Variants in FSIP1 observed in about 807,000 individuals in gnomAD.
FSIP1 encodes the protein fibrous sheath interacting protein 1, also known as fibrous sheath-interacting protein 1.
A neutral mutation model predicts 60.9 loss-of-function variants in FSIP1; 65 were observed. The observed-to-expected ratio is 1.07, with a 90% confidence interval of 0.87 to 1.31. The LOEUF (loss-of-function observed/expected upper bound fraction) is 1.31. FSIP1 is among the 40% of genes most tolerant of loss of function. The pLI, the probability that FSIP1 is intolerant of heterozygous loss-of-function variation, is 0.00. For synonymous variants in FSIP1, 209 were observed against 221.2 expected (o/e 0.94, Z 0.49); for missense variants, 675 against 665.5 (o/e 1.01, Z -0.16).
chr15:39,720,376 T>C (rs1172948368), intron 9 of FSIP1, among the ~76,000 whole-genome samples: 3 of 152,236 alleles, frequency 2.0e-5, no homozygotes, highest in Non-Finnish European at 2.9e-5. Flanking sequence ...ATTGAATCAA[T>C]ATTTCAAGAA....
chr15:39,668,110 G>A (rs896593989), intron 10 of FSIP1, among the ~76,000 whole-genome samples: 2 of 151,882 alleles, frequency 1.3e-5, no homozygotes, highest in Admixed American at 6.6e-5. Flanking sequence ...AAACCAAGAG[G>A]GTGGCAATGG....
intron 5 of FSIP1, among the ~76,000 whole-genome samples, chr15:39,744,353 T>C (rs1896912962): frequency 6.6e-6 from 1 of 152,190 alleles, no homozygotes; most frequent in Admixed American, 6.5e-5. Flanking sequence ...GTTTTTAATA[T>C]GAGTCCTGAA....
intron 9 of FSIP1, among the ~76,000 whole-genome samples, chr15:39,715,535 T>G (rs1400185833): frequency 6.6e-6 from 1 of 152,216 alleles, no homozygotes; most frequent in Non-Finnish European, 1.5e-5. Context: ...AGTAAAATTC[T>G]TATTGTATAC....
chr15:39,678,436 T>C (rs1004399939), intron 10 of FSIP1, among the ~76,000 whole-genome samples: 1 of 152,042 alleles, frequency 6.6e-6, no homozygotes, highest in Admixed American at 6.5e-5. Flanking sequence ...TCCACCAAAA[T>C]GAGCACATAC....
chr15:39,726,661 T>A lies in FSIP1; in HGVS notation c.978A>T (p.Lys326Asn). ...GGGAGGCTGCAGAGAGTTCTTGGAG[T>A]TTTATATCAATTTCAGCAAGCTGCT... ...QHQQLAEIDI[K>N]LQELSAASPT... Residue 326 changes from lysine (K) to asparagine (N), a missense_variant, in exon 9 of 12, where the codon AAA becomes AAT. Physicochemically the swap from Lys to Asn is moderately conservative, Grantham distance 94. Transcript: ENST00000350221. The A allele has an allele frequency of 1.9e-6, 3 of 1,613,780 alleles. No individual in the cohort carries two copies. The highest frequency in any genetic ancestry group is 1.7e-6 in the Non-Finnish European group (2 of 1,179,916).
chr15:39,641,003 C>A (rs992588525), intron 10 of FSIP1, among the ~76,000 whole-genome samples: 5 of 152,182 alleles, frequency 3.3e-5, no homozygotes, highest in Non-Finnish European at 5.9e-5. Context: ...CAGAGTCCTT[C>A]TCAGGCCATA....
chr15:39,681,290 T>G lies in FSIP1; in HGVS notation c.1188+32154A>C, dbSNP rs576518977. 2.5e-4 allele frequency among the ~76,000 whole-genome samples: 38 copies of G among 151,188 alleles called. 1 individual carries two copies. The South Asian group carries it at 7.9e-3, about 31-fold the overall frequency. On this transcript the variant is annotated intron_variant, in intron 10 of 11. Coordinates refer to ENST00000350221, the MANE Select transcript of FSIP1 (RefSeq NM_152597.5). The stretch of plus-strand genomic sequence containing the variant: ...AAGGTTTATAGTTTTTTGGCTTTGG[T>G]TTTTTGTTTTTTGTTTTTTTTCAGC...
chr15:39,780,301 A>G (rs1253863634), intron 1 of FSIP1, among the ~76,000 whole-genome samples: 1 of 152,196 alleles, frequency 6.6e-6, no homozygotes, highest in African/African-American at 2.4e-5. Flanking sequence ...AGGCGGGCAG[A>G]TCACGAGGTC....
At chr15:39,718,044 T>TC (rs1401300615) in intron 9 of FSIP1, among the ~76,000 whole-genome samples, 2 of 151,896 alleles carry the variant, frequency 1.3e-5, no homozygotes, top group East Asian at 3.9e-4. Context: ...CTTGCTGAGC[T>TC]CCCACACACT....
At chr15:39,780,135 T>G (rs181876652) in intron 1 of FSIP1, among the ~76,000 whole-genome samples, 1 of 152,240 alleles carries the variant, frequency 6.6e-6, no homozygotes, top group Non-Finnish European at 1.5e-5. Flanking sequence ...TTTAGGCATA[T>G]GCAAACCTTC....
At chr15:39,762,005 C>T (rs59434895) in intron 5 of FSIP1, among the ~76,000 whole-genome samples, 1 of 152,130 alleles carries the variant, frequency 6.6e-6, no homozygotes, top group Non-Finnish European at 1.5e-5. Flanking sequence ...CTCCCTTTGG[C>T]TGGAGATGCC....
At chr15:39,645,197 T>C (rs1186699392) in intron 10 of FSIP1, among the ~76,000 whole-genome samples, 1 of 152,200 alleles carries the variant, frequency 6.6e-6, no homozygotes, top group Non-Finnish European at 1.5e-5. Context: ...AAATGTAGAT[T>C]GGTACAGCCA....
intron 5 of FSIP1, among the ~76,000 whole-genome samples, chr15:39,759,954 G>C (rs1046436011): frequency 2.0e-5 from 3 of 152,040 alleles, no homozygotes; most frequent in African/African-American, 7.2e-5. Context: ...ACATTCACAG[G>C]CTCTAGGGAT....
At chr15:39,722,464 T>C (rs1020871056) in intron 9 of FSIP1, among the ~76,000 whole-genome samples, 13 of 152,272 alleles carry the variant, frequency 8.5e-5, no homozygotes, top group African/African-American at 2.9e-4. Context: ...CCAAAATACT[T>C]GGGGACCACT....
intron 5 of FSIP1, among the ~76,000 whole-genome samples, chr15:39,746,219 A>G (rs1896988639): frequency 1.3e-5 from 2 of 152,162 alleles, no homozygotes; most frequent in Non-Finnish European, 2.9e-5. Flanking sequence ...GGAAAGAGAA[A>G]AGCAATCAGT....
chr15:39,731,315 A>G (rs1896394609), intron 8 of FSIP1, among the ~76,000 whole-genome samples: 1 of 152,174 alleles, frequency 6.6e-6, no homozygotes, highest in South Asian at 2.1e-4. Context: ...AAAGAAAGTT[A>G]TGCATAATTT....
chr15:39,626,812 A>C (rs1378041942), intron 10 of FSIP1, among the ~76,000 whole-genome samples: 2 of 147,460 alleles, frequency 1.4e-5, no homozygotes, highest in Non-Finnish European at 3.0e-5. Flanking sequence ...TTTTTACAGC[A>C]GTGTGAAAAT....
chr15:39,748,566 CT>C (rs1183744245), intron 5 of FSIP1, among the ~76,000 whole-genome samples: 1 of 152,088 alleles, frequency 6.6e-6, no homozygotes, highest in Non-Finnish European at 1.5e-5. Flanking sequence ...GCAGCACATC[CT>C]TATGACAACC....
chr15:39,748,310 G>A lies in FSIP1; in HGVS notation c.560-6410C>T, dbSNP rs76435216. Among the ~76,000 whole-genome samples, 67 of 152,252 alleles carry A rather than the reference G, an allele frequency of 4.4e-4. 1 individual carries two copies. In the East Asian group the frequency reaches 0.012, roughly 28 times the overall value. ...AGATGAATGCAAATCAAATAGACAA[G>A]TAATAAGGACATTTTGCACATTTCA... On this transcript the variant is annotated intron_variant, in intron 5 of 11. Transcript: ENST00000350221.
Sources: allele counts gnomAD v4.1 joint callset (sites outside exome capture counted in the v4.1 genomes callset), GRCh38; gene constraint gnomAD v4.1.1; transcripts MANE v1.5; gene names NCBI Gene and HGNC (gene_info 2026-07-23, HGNC 2026-07-21).